AXDND1: variants seen among roughly 807,000 people sequenced by gnomAD.
AXDND1 encodes the protein axonemal dynein light chain domain-containing protein 1.
A neutral mutation model predicts 137.5 loss-of-function variants in AXDND1; 110 were observed. The observed-to-expected ratio is 0.80, with a 90% confidence interval of 0.69 to 0.94. The LOEUF is 0.94. AXDND1 is among the 40% of genes least tolerant of loss of function. AXDND1 has a pLI of 0.00. For missense variants in AXDND1, 1,191 were observed against 1,169.8 expected, an observed-to-expected ratio of 1.02 and a Z score of -0.26; for synonymous variants, 414 against 399.7, an observed-to-expected ratio of 1.04 and a Z score of -0.43.
intron 21 of AXDND1, among the ~76,000 whole-genome samples, chr1:179,516,939 G>T (rs954864498): frequency 1.3e-5 from 2 of 152,164 alleles, no homozygotes; most frequent in African/African-American, 4.8e-5. Flanking sequence ...GTCTCCTGCC[G>T]GGAGGTGGCA....
intron 12 of AXDND1, among the ~76,000 whole-genome samples, 161 bp downstream of exon 12, chr1:179,411,427 C>T (rs1204154351): frequency 2.6e-5 from 4 of 152,108 alleles, no homozygotes; most frequent in African/African-American, 9.7e-5. Flanking sequence ...TCACTGCAAC[C>T]TCTGACTCTT....
At chr1:179,480,114 C>T (rs554886696) in intron 17 of AXDND1, among the ~76,000 whole-genome samples, 39 of 152,296 alleles carry the variant, frequency 2.6e-4, no homozygotes, top group African/African-American at 4.8e-5. Context: ...GTTCCAAGGT[C>T]GCTCCCACAT....
intron 17 of AXDND1, among the ~76,000 whole-genome samples, chr1:179,469,394 A>G (rs758854351): frequency 1.3e-5 from 2 of 152,050 alleles, no homozygotes; most frequent in Non-Finnish European, 2.9e-5. Flanking sequence ...ACCACATTTT[A>G]TTTATTCATT....
chr1:179,530,890 C>T (rs912047358), intron 23 of AXDND1, among the ~76,000 whole-genome samples: 10 of 152,242 alleles, frequency 6.6e-5, no homozygotes, highest in Middle Eastern at 3.4e-3. Context: ...CTACCCATTG[C>T]ACAGACACAA....
intron 16 of AXDND1, chr1:179,451,636 T>C (rs1399434091): frequency 6.6e-6 from 1 of 152,188 alleles, no homozygotes; most frequent in Non-Finnish European, 1.5e-5. Context: ...TGGGAGATAA[T>C]TGAATCATGA....
chr1:179,388,180 C>A (rs1288789529), intron 9 of AXDND1, among the ~76,000 whole-genome samples: 1 of 152,152 alleles, frequency 6.6e-6, no homozygotes, highest in Non-Finnish European at 1.5e-5. Context: ...TGCCTGATAT[C>A]CAGTGTCTTA....
At chr1:179,535,236 T>A (rs1467530232) in intron 25 of AXDND1, among the ~76,000 whole-genome samples, 9 of 152,186 alleles carry the variant, frequency 5.9e-5, no homozygotes, top group African/African-American at 1.7e-4. Flanking sequence ...TTCTTTTTTT[T>A]ATTATACTTT....
At chr1:179,419,552 G>A (rs1463404903) in intron 12 of AXDND1, among the ~76,000 whole-genome samples, 2 of 148,510 alleles carry the variant, frequency 1.3e-5, no homozygotes, top group South Asian at 4.4e-4. Flanking sequence ...GCAGTGAGCC[G>A]AGATGGCAGC....
At chr1:179,548,754 C>G (rs1672886436) in intron 25 of AXDND1, 1 of 152,198 alleles carries the variant, frequency 6.6e-6, no homozygotes, top group Non-Finnish European at 1.5e-5. Flanking sequence ...GCTGAGCCTT[C>G]TAGATAGGAG....
chr1:179,386,972 T>C (rs530035743), intron 9 of AXDND1, among the ~76,000 whole-genome samples: 20 of 152,222 alleles, frequency 1.3e-4, no homozygotes, highest in South Asian at 8.3e-4. Flanking sequence ...ACATTTTTGC[T>C]TTCATCTCTA....
intron 12 of AXDND1, among the ~76,000 whole-genome samples, chr1:179,418,064 A>G (rs1198800797): frequency 6.6e-6 from 1 of 151,010 alleles, no homozygotes; most frequent in Non-Finnish European, 1.5e-5. Context: ...TCATAGGACA[A>G]TAGTGGAGGG....
chr1:179,484,933 G>A (rs571337097), intron 18 of AXDND1, among the ~76,000 whole-genome samples: 7 of 152,228 alleles, frequency 4.6e-5, no homozygotes, highest in South Asian at 2.1e-4. Flanking sequence ...CCAGTGCCCC[G>A]CCACTGTGCC....
intron 12 of AXDND1, among the ~76,000 whole-genome samples, chr1:179,420,733 G>A (rs553082268): frequency 4.7e-4 from 71 of 150,462 alleles, no homozygotes; most frequent in African/African-American, 1.6e-3. Flanking sequence ...AGCAATTCTC[G>A]TGTCTCAGCC....
intron 17 of AXDND1, among the ~76,000 whole-genome samples, chr1:179,473,732 C>T (rs549934937): frequency 1.8e-4 from 27 of 152,242 alleles, no homozygotes; most frequent in South Asian, 1.2e-3. Context: ...GTTACCCCCA[C>T]GCTGTTCTCA....
chr1:179,412,295 C>G (rs916510940), intron 12 of AXDND1, among the ~76,000 whole-genome samples: 3 of 152,110 alleles, frequency 2.0e-5, no homozygotes, highest in African/African-American at 7.2e-5. Flanking sequence ...TGTTGGTTGC[C>G]TATTCTGACA....
rs767773979 is a variant in AXDND1 at position 179,368,907 on chromosome 1, T to C, written c.205T>C (p.Tyr69His). The change falls in exon 3 of 26, where the codon TAT becomes CAT. Residue 69 changes from tyrosine (Y) to histidine (H), a missense_variant. By Grantham distance (83) the Tyr-to-His change is moderately conservative. Transcript: ENST00000367618. ...CAAAGAAGTTCTTCTTTCTCTGACC[T>C]ATGCGGCCAATGCTGGTCCTTGTCC... Reference protein sequence around the residue: ...IPKEVLLSLTYAANAGPCPEN... With the variant: ...IPKEVLLSLTHAANAGPCPEN... 9 of 1,613,914 alleles carry C rather than the reference T, an allele frequency of 5.6e-6. No homozygotes were observed. The highest frequency in any genetic ancestry group is 6.8e-6 in the Non-Finnish European group (8 of 1,179,924).
At chr1:179,383,067 T>G (rs1648636114) in intron 7 of AXDND1, among the ~76,000 whole-genome samples, 1 of 152,104 alleles carries the variant, frequency 6.6e-6, no homozygotes, top group East Asian at 1.9e-4. Context: ...ATAGTCTTTT[T>G]TTTCCTTTTC....
intron 25 of AXDND1, among the ~76,000 whole-genome samples, chr1:179,536,345 G>T (rs1199616510): frequency 2.6e-5 from 4 of 152,140 alleles, no homozygotes; most frequent in Non-Finnish European, 4.4e-5. Flanking sequence ...ATGGTTTTAG[G>T]TCTTACATTT....
intron 17 of AXDND1, among the ~76,000 whole-genome samples, chr1:179,476,732 G>A (rs1664683693): frequency 6.6e-6 from 1 of 151,918 alleles, no homozygotes; most frequent in Non-Finnish European, 1.5e-5. Context: ...AATCTTATTG[G>A]GACTCCCTTG....
Sources: gnomAD v4.1 joint callset for allele counts (sites outside exome capture counted in the v4.1 genomes callset) on GRCh38, gnomAD v4.1.1 for gene constraint, MANE v1.5 for transcripts, NCBI Gene and HGNC (gene_info 2026-07-23, HGNC 2026-07-21) for gene names.